The following DPP6 variants were observed in gnomAD, a reference collection of about 807,000 sequenced individuals.
DPP6 encodes dipeptidyl peptidase like 6.
In DPP6, 69 loss-of-function variants were observed where a neutral mutation model predicts 122.6. The ratio of observed to expected loss-of-function variants is 0.56; its 90% CI spans 0.46 to 0.69. DPP6 has a LOEUF of 0.69. Ranked by LOEUF, DPP6 falls within the 30% of genes least tolerant of loss-of-function variation. The pLI is 0.00. For synonymous variants in DPP6, 418 were observed against 433.1 expected (o/e 0.97, Z 0.43); for missense variants, 928 against 1,116.9 (o/e 0.83, Z 2.41).
At chr7:154,061,278 C>G (rs1801829396) in intron 1 of DPP6, among the ~76,000 whole-genome samples, 2 of 149,302 alleles carry the variant, frequency 1.3e-5, no homozygotes, top group Non-Finnish European at 3.0e-5. Flanking sequence ...GCAAGTTTTT[C>G]ATGAGTTACA....
chr7:154,268,258 C>G (rs1026741773), intron 1 of DPP6, among the ~76,000 whole-genome samples: 1 of 152,164 alleles, frequency 6.6e-6, no homozygotes, highest in African/African-American at 2.4e-5. Context: ...GGATTAGCTA[C>G]TTTTCTTAGT....
At chr7:153,846,401 G>C in the DPP6 span, among the ~76,000 whole-genome samples, 4 of 152,036 alleles carry the variant, frequency 2.6e-5, 1 homozygote, top group Non-Finnish European at 5.9e-5. Flanking sequence ...TGTTCTCCCA[G>C]TCTGCTCTTT....
At chr7:154,631,262 A>G (rs1021812639) in intron 5 of DPP6, among the ~76,000 whole-genome samples, 3 of 152,216 alleles carry the variant, frequency 2.0e-5, no homozygotes, top group African/African-American at 7.2e-5. Flanking sequence ...AGAAAGGTGA[A>G]GAGCCTGGAT....
intron 2 of DPP6, among the ~76,000 whole-genome samples, chr7:154,472,352 GC>G (rs1244031196): frequency 6.6e-6 from 1 of 151,986 alleles, no homozygotes; most frequent in African/African-American, 2.4e-5. Flanking sequence ...TGAAAATACT[GC>G]ATCCACCGAC....
At chr7:154,275,513 T>C (rs1314973960) in intron 1 of DPP6, among the ~76,000 whole-genome samples, 1 of 152,212 alleles carries the variant, frequency 6.6e-6, no homozygotes, top group Non-Finnish European at 1.5e-5. Context: ...AGTTTAAAGA[T>C]GTCCTTGTTC....
intron 1 of DPP6, among the ~76,000 whole-genome samples, chr7:153,984,053 AACACACACACACACACACACACAC>A (rs528640069): frequency 3.8e-5 from 5 of 131,924 alleles, no homozygotes; most frequent in African/African-American, 8.4e-5. Context: ...TTCTGTCCAT[AACACACACACACACACACACACAC>A]ACACACACAC....
intron 11 of DPP6, among the ~76,000 whole-genome samples, chr7:154,794,581 C>T (rs1301511513): frequency 6.6e-6 from 1 of 152,244 alleles, no homozygotes; most frequent in African/African-American, 2.4e-5. Flanking sequence ...CCAGACCCCG[C>T]CGACAGCCTC....
rs1274162997 is a variant in DPP6, at chr7:154,282,170, T to G, written c.244-164044T>G. 2.6e-5 allele frequency among the ~76,000 whole-genome samples: 4 copies of G among 152,118 alleles called. No homozygotes were observed. The highest frequency in any genetic ancestry group is 9.7e-5 in the African/African-American group (4 of 41,420). On this transcript the variant is annotated intron_variant, in intron 1 of 25. Coordinates refer to ENST00000377770, the MANE Select transcript of DPP6 (RefSeq NM_130797.4). This position sits in a 1 kb window ranked among gnomAD's most constrained non-coding sequence, Gnocchi z 4.8. Reference sequence around the variant, plus strand: ...ATGTTCTAACCATCTATAATTTTATTCTTTTTTCCCCTCCCTATTCCATTC... The same window carrying G: ...ATGTTCTAACCATCTATAATTTTATGCTTTTTTCCCCTCCCTATTCCATTC...
chr7:154,878,554 A>C lies in DPP6; in HGVS notation c.2079-2334A>C, dbSNP rs370964851. ...CATCAGAAAGAAATAGCCCAATTTG[A>C]TCGGAAACCTAAAATCAGGAGGCTG... On this transcript the variant is annotated intron_variant, in intron 20 of 25. Transcript: ENST00000377770. Among the ~76,000 whole-genome samples the C allele has an allele frequency of 4.0e-3, 605 of 152,322 alleles. 4 individuals are homozygous for C. The highest frequency in any genetic ancestry group is 5.4e-3 in the South Asian group (26 of 4,828).
intron 1 of DPP6, among the ~76,000 whole-genome samples, chr7:154,362,779 TC>T (rs1811838879): frequency 6.6e-6 from 1 of 152,086 alleles, no homozygotes; most frequent in Non-Finnish European, 1.5e-5. Flanking sequence ...CCTTGCACTC[TC>T]TTTGCACCCC....
chr7:154,243,980 GA>G, intron 1 of DPP6, among the ~76,000 whole-genome samples: 1 of 151,482 alleles, frequency 6.6e-6, no homozygotes, highest in Non-Finnish European at 1.5e-5. Flanking sequence ...ACAGAGGAGA[GA>G]AAAAAATTGT....
chr7:154,281,138 A>C (rs980502936), intron 1 of DPP6, among the ~76,000 whole-genome samples: 2 of 151,734 alleles, frequency 1.3e-5, no homozygotes, highest in African/African-American at 4.8e-5. Flanking sequence ...TCAGCTTCCC[A>C]AGGAGCTGGG....
rs58211653 is a variant in DPP6 at position 153,945,494 on chromosome 7, G to A, written c.51+57760G>A. 6.3e-3 allele frequency among the ~76,000 whole-genome samples: 965 copies of A among 152,234 alleles called. 13 individuals are homozygous for A. The highest frequency in any genetic ancestry group is 0.022 in the African/African-American group (926 of 41,546). ...TGTTTTGAGAGGAAATGGATGACTT[G>A]TGAGACTAGAAATTTGGGAAGTTAG... On this transcript the variant is annotated intron_variant, in intron 1 of 25. Coordinates refer to the DPP6 transcript ENST00000404039.
At chr7:154,661,760 G>GAATCACCATGGCATA (rs1837684345) in intron 6 of DPP6, among the ~76,000 whole-genome samples, 1 of 82,000 alleles carries the variant, frequency 1.2e-5, no homozygotes, top group Non-Finnish European at 2.6e-5. Context: ...ACCATGGCGT[G>GAATCACCATGGCATA]TTGGCCCTAG....
chr7:154,743,948 G>A (rs900030168), intron 8 of DPP6, among the ~76,000 whole-genome samples: 4 of 152,120 alleles, frequency 2.6e-5, no homozygotes, highest in East Asian at 1.9e-4. Flanking sequence ...GTCGACCCAC[G>A]CAGTTCAAAC....
At position 154,637,861 on chromosome 7, in the gene DPP6, A is replaced by C. The variant is rs1303021837; in HGVS notation, c.668A>C (p.Lys223Thr). 6.3e-7 allele frequency: 1 copy of C among 1,577,046 alleles called. No homozygotes were observed. Among genetic ancestry groups the C allele is most frequent in the Middle Eastern group, 1.7e-4 (1 of 6,020 alleles). ...HSYTGYYVLS[K>T]IPHGDPQSLD... Reference sequence around the variant, plus strand: ...TATACTGGATATTACGTCCTGAGCAAAATTCCTCATGGGTAAGAGTGTTCT... The same window carrying C: ...TATACTGGATATTACGTCCTGAGCACAATTCCTCATGGGTAAGAGTGTTCT... The change falls in exon 6 of 26, where the codon AAA becomes ACA. Residue 223 changes from lysine to threonine, a missense_variant. Transcript: ENST00000377770.
intron 1 of DPP6, among the ~76,000 whole-genome samples, chr7:153,889,759 C>T (rs1799106647): frequency 6.6e-6 from 1 of 152,196 alleles, no homozygotes; most frequent in African/African-American, 2.4e-5. Context: ...GCAAGGTGAA[C>T]CTGAGCCTAG....
At chr7:154,691,476 G>T (rs1046805583) in intron 7 of DPP6, among the ~76,000 whole-genome samples, 1 of 152,164 alleles carries the variant, frequency 6.6e-6, no homozygotes, top group Non-Finnish European at 1.5e-5. Context: ...AATACAAAAT[G>T]TCCCTGATAA....
At chr7:154,128,663 A>G (rs1336737514) in intron 1 of DPP6, among the ~76,000 whole-genome samples, 1 of 151,990 alleles carries the variant, frequency 6.6e-6, no homozygotes. Context: ...TGCTGGGATT[A>G]CAGGCGTGAG....
Sources: gnomAD v4.1 joint callset for allele counts (sites outside exome capture counted in the v4.1 genomes callset) on GRCh38, gnomAD v4.1.1 for gene constraint, Gnocchi (gnomAD v3.1) non-coding constraint, MANE v1.5 for transcripts, NCBI Gene and HGNC (gene_info 2026-07-23, HGNC 2026-07-21) for gene names.